Variants in CSMD1 observed in about 807,000 individuals in gnomAD.
CSMD1 encodes CUB and sushi domain-containing protein 1.
CSMD1 carries 213 observed loss-of-function variants against 417.5 expected under a neutral mutation model. The ratio of observed to expected loss-of-function variants is 0.51; its 90% CI spans 0.46 to 0.57. The LOEUF (loss-of-function observed/expected upper bound fraction) is 0.57. Ranked by LOEUF, CSMD1 falls within the 20% of genes least tolerant of loss-of-function variation. The probability of loss-of-function intolerance (pLI) is 0.00; values close to 1 mark genes in which losing one functional copy is unlikely to be tolerated. For synonymous variants in CSMD1, 2,862 were observed against 1,736.8 expected (o/e 1.65, Z -16.11); for missense variants, 6,923 against 4,529.7 (o/e 1.53, Z -15.17).
chr8:4,382,324 C>G (rs1466609613), intron 3 of CSMD1, among the ~76,000 whole-genome samples: 2 of 152,194 alleles, frequency 1.3e-5, no homozygotes, highest in African/African-American at 2.4e-5. Flanking sequence ...TATATGTGCA[C>G]TTTCTCACCA....
At chr8:4,579,397 C>T (rs1422252660) in intron 2 of CSMD1, among the ~76,000 whole-genome samples, 1 of 151,828 alleles carries the variant, frequency 6.6e-6, no homozygotes, top group African/African-American at 2.4e-5. Context: ...TTGCTCTCAT[C>T]CTCCAGGCTG....
At chr8:4,836,548 C>G (rs60850747) in intron 1 of CSMD1, among the ~76,000 whole-genome samples, 1 of 152,276 alleles carries the variant, frequency 6.6e-6, no homozygotes, top group African/African-American at 2.4e-5. Context: ...TATTTAGACA[C>G]AGAGAGGTTT....
intron 7 of CSMD1, among the ~76,000 whole-genome samples, chr8:3,654,979 G>T (rs79148949): frequency 0.051 from 7,705 of 152,260 alleles, 252 homozygotes; most frequent in South Asian, 0.085. Flanking sequence ...AACTGAAAAT[G>T]CCAGGTGTGA....
At chr8:3,763,077 CG>C (rs530756594) in intron 5 of CSMD1, among the ~76,000 whole-genome samples, 13 of 152,264 alleles carry the variant, frequency 8.5e-5, no homozygotes, top group African/African-American at 3.1e-4. Context: ...CCTATTCTCA[CG>C]GTCTCTCTGG....
intron 15 of CSMD1, among the ~76,000 whole-genome samples, chr8:3,402,681 T>A (rs1202569701): frequency 2.0e-5 from 3 of 152,316 alleles, no homozygotes; most frequent in Middle Eastern, 3.4e-3. Flanking sequence ...TTCTCTTTTA[T>A]GTTACCAAAT....
chr8:4,033,737 T>A (rs1177963476), intron 3 of CSMD1, among the ~76,000 whole-genome samples: 1 of 152,240 alleles, frequency 6.6e-6, no homozygotes, highest in Non-Finnish European at 1.5e-5. Flanking sequence ...ACAATTTCAA[T>A]AATGGGGTAT....
rs79618365 is a variant in CSMD1 at position 4,580,348 on chromosome 8, C to G, written c.302+56994G>C. Among the ~76,000 whole-genome samples the G allele has an allele frequency of 1.4e-3, 218 of 152,262 alleles. 3 individuals are homozygous for G. The highest frequency in any genetic ancestry group is 0.012 in the East Asian group (63 of 5,180). On this transcript the variant is annotated intron_variant, in intron 2 of 69. Coordinates refer to ENST00000635120, the MANE Select transcript of CSMD1 (RefSeq NM_033225.6). ...AAGACATGAGCCCTGTATCATATAT[C>G]TTTTTAACATTTTCATCGCAGTGTT...
chr8:3,068,552 C>A (rs538781570), intron 49 of CSMD1, among the ~76,000 whole-genome samples: 1 of 151,696 alleles, frequency 6.6e-6, no homozygotes, highest in African/African-American at 2.4e-5. Context: ...TTTATAAAGA[C>A]ATTTAGTTGG....
At position 3,605,016 on chromosome 8, in the gene CSMD1, G is replaced by C. The variant is rs1031121930; in HGVS notation, c.1097+11694C>G. Among the ~76,000 whole-genome samples, 13 of 152,182 alleles carry C rather than the reference G, an allele frequency of 8.5e-5. No individual in the cohort carries two copies. In the South Asian group the frequency reaches 1.5e-3, roughly 17 times the overall value. ...CAACTTAAAAGAAAGCAGTTCTTTT[G>C]TTTTTTTCTTTTGAGGAGTCACTGC... is the stretch of plus-strand genomic sequence containing the variant. On this transcript the variant is annotated intron_variant, in intron 8 of 69. Transcript: ENST00000635120.
chr8:3,429,142 C>T (rs1002676379), intron 12 of CSMD1, among the ~76,000 whole-genome samples: 1 of 152,100 alleles, frequency 6.6e-6, no homozygotes, highest in African/African-American at 2.4e-5. Context: ...TTACACTTAA[C>T]AATATTGCAT....
chr8:4,364,600 G>A lies in CSMD1; in HGVS notation c.415+55353C>T, dbSNP rs546654797. Among the ~76,000 whole-genome samples the A allele has an allele frequency of 3.5e-4, 6 of 17,332 alleles. 3 individuals carry two copies. In the African/African-American group the frequency reaches 5.9e-3, roughly 17 times the overall value. The allele number at this position is 17,332 out of a possible 152,430, so 11.4% of individuals were successfully genotyped here. Reference sequence around the variant, plus strand: ...AGCACTTTGGGAGGCCGAGGCGGGCGGATCACGAGGTCAGGAGATCGAGAC... The same window carrying A: ...AGCACTTTGGGAGGCCGAGGCGGGCAGATCACGAGGTCAGGAGATCGAGAC... On this transcript the variant is annotated intron_variant, in intron 3 of 69. Transcript: ENST00000635120.
Position 4,038,235 on chromosome 8 carries a change from G to A in CSMD1, c.416-6136C>T, listed in dbSNP as rs571286854. On this transcript the variant is annotated intron_variant, in intron 3 of 69. Coordinates refer to ENST00000635120, the MANE Select transcript of CSMD1 (RefSeq NM_033225.6). ...AAAGTTTTTGTAAAAATTTTAATGG[G>A]AACAATGTGAATAAATAGAAATAAT... is the stretch of plus-strand genomic sequence containing the variant. 1.9e-3 allele frequency among the ~76,000 whole-genome samples: 286 copies of A among 151,966 alleles called. 1 individual carries two copies. Among genetic ancestry groups the A allele is most frequent in the African/African-American group, 6.6e-3 (272 of 41,482 alleles).
intron 5 of CSMD1, among the ~76,000 whole-genome samples, chr8:3,905,943 C>A (rs1304891881): frequency 6.6e-6 from 1 of 152,158 alleles, no homozygotes; most frequent in East Asian, 1.9e-4. Context: ...TTTTGGTGCC[C>A]CTCAACCATA....
At chr8:3,260,091 G>C (rs189680293) in intron 26 of CSMD1, among the ~76,000 whole-genome samples, 1 of 152,142 alleles carries the variant, frequency 6.6e-6, no homozygotes, top group East Asian at 1.9e-4. Context: ...GCATTTATAT[G>C]GCATTTTTCT....
intron 5 of CSMD1, among the ~76,000 whole-genome samples, chr8:3,806,956 G>A (rs1022145640): frequency 6.6e-6 from 1 of 152,080 alleles, no homozygotes; most frequent in Non-Finnish European, 1.5e-5. Context: ...TAATCCAACT[G>A]CTTAATCTGA....
intron 5 of CSMD1, among the ~76,000 whole-genome samples, chr8:3,758,912 G>T (rs74757146): frequency 6.6e-6 from 1 of 152,188 alleles, no homozygotes; most frequent in Admixed American, 6.5e-5. Context: ...AGGAGGACAA[G>T]GTTCCAGGTA....
chr8:3,222,426 C>G (rs931627100), intron 28 of CSMD1, among the ~76,000 whole-genome samples: 1 of 152,080 alleles, frequency 6.6e-6, no homozygotes, highest in Non-Finnish European at 1.5e-5. Context: ...CCTCCTGCCT[C>G]AGCCTCTCGA....
At chr8:4,043,558 T>A (rs1329110589) in intron 3 of CSMD1, among the ~76,000 whole-genome samples, 2 of 152,216 alleles carry the variant, frequency 1.3e-5, no homozygotes, top group African/African-American at 4.8e-5. Context: ...TAGCTTTATG[T>A]GTGCTGCTGT....
rs1467446612 is a variant in CSMD1, at chr8:4,777,749, A to G, written c.86-140191T>C. Among the ~76,000 whole-genome samples, 7 of 152,198 alleles carry G rather than the reference A, an allele frequency of 4.6e-5. 1 individual carries two copies. The highest frequency in any genetic ancestry group is 1.3e-4 in the Admixed American group (2 of 15,284). On this transcript the variant is annotated intron_variant, in intron 1 of 69. Coordinates refer to ENST00000635120, the MANE Select transcript of CSMD1 (RefSeq NM_033225.6). ...ATGCATGTGTGTTTCAAAATGTAAT[A>G]CATGCACATGTATCTACACAAAAAG... is the stretch of plus-strand genomic sequence containing the variant.
Sources: gnomAD v4.1 joint callset for allele counts (sites outside exome capture counted in the v4.1 genomes callset) on GRCh38, gnomAD v4.1.1 for gene constraint, MANE v1.5 for transcripts, NCBI Gene and HGNC (gene_info 2026-07-23, HGNC 2026-07-21) for gene names.